CNIH3: variants seen among roughly 807,000 people sequenced by gnomAD.
CNIH3 encodes cornichon family AMPA receptor auxiliary protein 3.
A neutral mutation model predicts 24.1 loss-of-function variants in CNIH3; 14 were observed. The observed-to-expected ratio is 0.58, with a 90% CI of 0.38 to 0.91. The LOEUF is 0.91. Among genes scored for constraint, CNIH3 ranks in the 40% least tolerant of loss-of-function variants. The pLI, the probability that CNIH3 is intolerant of heterozygous loss-of-function variation, is 0.00. For synonymous variants in CNIH3, 68 were observed against 73.8 expected (o/e 0.92, Z 0.40); for missense variants, 178 against 196.8 (o/e 0.90, Z 0.57).
downstream of CNIH3, among the ~76,000 whole-genome samples, chr1:224,540,996 A>T (rs1462499148): frequency 6.6e-6 from 1 of 152,198 alleles, no homozygotes; most frequent in African/African-American, 2.4e-5. Context: ...GCAGGTGGGT[A>T]CCCAGATTAG....
At chr1:224,576,381 C>T (rs1288947046) in intron 4 of CNIH3, among the ~76,000 whole-genome samples, 5 of 152,124 alleles carry the variant, frequency 3.3e-5, no homozygotes, top group African/African-American at 1.2e-4. Flanking sequence ...TGGGAGTCCC[C>T]CTTCCATTCC....
At chr1:224,531,103 C>A (rs1358490631) in intron 2 of CNIH3, among the ~76,000 whole-genome samples, 2 of 152,162 alleles carry the variant, frequency 1.3e-5, no homozygotes, top group African/African-American at 2.4e-5. Context: ...TTGGAGACAT[C>A]AAGGAGAAAG....
chr1:224,587,418 A>C (rs1681556095), intron 5 of CNIH3: 1 of 152,206 alleles, frequency 6.6e-6, no homozygotes, highest in Non-Finnish European at 1.5e-5. Context: ...TGATGCCATC[A>C]AGGTAGGAAG....
At chr1:224,434,735 G>C (rs1572229906) in exon 1 of CNIH3, 1 of 986,392 alleles carries the variant, frequency 1.0e-6, no homozygotes, top group African/African-American at 1.8e-5. Flanking sequence ...TGCCGCCTCT[G>C]TCCTCGGATC....
At chr1:224,497,642 T>C (rs1677490929) in intron 1 of CNIH3, among the ~76,000 whole-genome samples, 1 of 152,186 alleles carries the variant, frequency 6.6e-6, no homozygotes, top group East Asian at 1.9e-4. Flanking sequence ...CTAAAGCAAC[T>C]TTTTTTATGT....
intron 4 of CNIH3, among the ~76,000 whole-genome samples, chr1:224,579,941 A>G (rs1293041187): frequency 6.6e-6 from 1 of 152,168 alleles, no homozygotes; most frequent in Non-Finnish European, 1.5e-5. Context: ...ATTCCTTTCT[A>G]GCAACACAAA....
At chr1:224,648,366 A>T (rs2125101545) in intron 1 of CNIH3, among the ~76,000 whole-genome samples, 1 of 150,836 alleles carries the variant, frequency 6.6e-6, no homozygotes, top group South Asian at 2.1e-4. Flanking sequence ...AGCTGAGGTC[A>T]TGCCACTGCA....
At chr1:224,635,915 C>T (rs77909667) in intron 1 of CNIH3, among the ~76,000 whole-genome samples, 6,362 of 152,134 alleles carry the variant, frequency 0.042, 441 homozygotes, top group African/African-American at 0.14. Context: ...GGTCTCACTC[C>T]GTTGCCCACG....
exon 6 of CNIH3, chr1:224,588,543 C>A (rs1681608046): frequency 6.6e-6 from 1 of 151,698 alleles, no homozygotes; most frequent in Admixed American, 6.6e-5. Flanking sequence ...ACGAATAAAT[C>A]AAGGATGAAG....
intron 1 of CNIH3, among the ~76,000 whole-genome samples, chr1:224,487,695 G>GA (rs1029987011): frequency 6.6e-6 from 1 of 152,218 alleles, no homozygotes; most frequent in African/African-American, 2.4e-5. Context: ...GGTGAGAAAA[G>GA]CGCTATTTGA....
intron 3 of CNIH3, among the ~76,000 whole-genome samples, chr1:224,687,075 A>G (rs1686698355): frequency 6.6e-6 from 1 of 152,156 alleles, no homozygotes; most frequent in Non-Finnish European, 1.5e-5. Flanking sequence ...AAAGGTAGGC[A>G]TCAGAGGACA....
At chr1:224,592,808 T>C (rs1358997686), downstream of CNIH3, among the ~76,000 whole-genome samples, 5 of 152,150 alleles carry the variant, frequency 3.3e-5, no homozygotes, top group Admixed American at 1.3e-4. Context: ...AGTAGGACGA[T>C]TCCCCTGACA....
At chr1:224,438,776 C>T (rs947047188) in intron 1 of CNIH3, among the ~76,000 whole-genome samples, 34 of 152,282 alleles carry the variant, frequency 2.2e-4, no homozygotes, top group Non-Finnish European at 4.3e-4. Flanking sequence ...ATTTAACTTT[C>T]GCAGCCCCTC....
chr1:224,668,138 A>T (rs2125126346), intron 1 of CNIH3, among the ~76,000 whole-genome samples: 1 of 152,360 alleles, frequency 6.6e-6, no homozygotes, highest in Middle Eastern at 3.4e-3. Context: ...GAATGAATAA[A>T]TGAACAGTTA....
chr1:224,462,226 T>C (rs912985406), intron 1 of CNIH3, among the ~76,000 whole-genome samples: 2 of 152,214 alleles, frequency 1.3e-5, no homozygotes, highest in African/African-American at 4.8e-5. Flanking sequence ...GTAGGGTTCA[T>C]GTGGTGTCGT....
intron 1 of CNIH3, chr1:224,454,171 C>A: frequency 2.5e-6 from 1 of 400,812 alleles, no homozygotes; most frequent in Non-Finnish European, 3.4e-6. Flanking sequence ...ATGTCCCTTA[C>A]TCATGGTTCC....
downstream of CNIH3, among the ~76,000 whole-genome samples, chr1:224,542,562 T>C (rs1399115322): frequency 6.6e-6 from 1 of 152,016 alleles, no homozygotes; most frequent in East Asian, 1.9e-4. Context: ...TGTAATAGAG[T>C]ACTTGGTAGA....
At chr1:224,669,961 A>C (rs1226450555) in intron 1 of CNIH3, among the ~76,000 whole-genome samples, 2 of 150,192 alleles carry the variant, frequency 1.3e-5, no homozygotes, top group African/African-American at 4.9e-5. Flanking sequence ...CCCCACCCCC[A>C]CACCCAACAG....
At chr1:224,722,537 A>G (rs1490262350) in intron 3 of CNIH3, among the ~76,000 whole-genome samples, 1 of 152,152 alleles carries the variant, frequency 6.6e-6, no homozygotes, top group Admixed American at 6.5e-5. Flanking sequence ...ATTTCTAACA[A>G]GATCCCAGGA....
Sources: allele counts gnomAD v4.1 joint callset (sites outside exome capture counted in the v4.1 genomes callset), GRCh38; gene constraint gnomAD v4.1.1; transcripts MANE v1.5; gene names NCBI Gene and HGNC (gene_info 2026-07-23, HGNC 2026-07-21).